IP6K2: variants seen among roughly 807,000 people sequenced by gnomAD.
IP6K2 encodes ATP:1D-myo-inositol-hexakisphosphate phosphotransferase.
IP6K2 carries 9 observed loss-of-function variants against 43.3 expected under a neutral mutation model. That is an observed-to-expected ratio of 0.21 (90% CI 0.13 to 0.36). IP6K2 has a LOEUF of 0.36. IP6K2 is among the 10% of genes least tolerant of loss of function. The probability of loss-of-function intolerance (pLI) is 1.00; values close to 1 mark genes in which losing one functional copy is unlikely to be tolerated. For synonymous variants in IP6K2, 209 were observed against 202.4 expected (o/e 1.03, Z -0.28); for missense variants, 332 against 538.4 (o/e 0.62, Z 3.79).
At chr3:48,692,507 A>T (rs2077889408) in intron 3 of IP6K2, among the ~76,000 whole-genome samples, 1 of 152,248 alleles carries the variant, frequency 6.6e-6, no homozygotes, top group South Asian at 2.1e-4. Flanking sequence ...CATTACATGT[A>T]CTTTACTTTA....
chr3:48,710,502 A>G (rs557839859), intron 1 of IP6K2, among the ~76,000 whole-genome samples: 1 of 152,208 alleles, frequency 6.6e-6, no homozygotes, highest in African/African-American at 2.4e-5. Context: ...AGCTTAAGTT[A>G]TTTTCCAAAG....
Position 48,688,854 on chromosome 3 carries a change from G to C in IP6K2, c.781-81C>G. On this transcript the variant is annotated intron_variant, in intron 5 of 5. Transcript: ENST00000328631. This position sits in a 1 kb window ranked among gnomAD's most constrained non-coding sequence, Gnocchi z 5.1. ...CCGGGCGGGGGTGGGGTGGTGTGGT[G>C]GTGGCGGCATGTGACAGCCCAGATC... 6.8e-7 allele frequency: 1 copy of C among 1,463,298 alleles called. No homozygotes were observed. Among genetic ancestry groups the C allele is most frequent in the Non-Finnish European group, 9.2e-7 (1 of 1,086,524 alleles). 90.6% of individuals were successfully genotyped at this position (1,463,298 alleles called of 1,614,324 possible). A position where few individuals can be genotyped will look rare whatever the true frequency, so the allele number is the denominator to read the frequency against.
intron 1 of IP6K2, among the ~76,000 whole-genome samples, chr3:48,700,278 C>T (rs1019531951): frequency 6.6e-6 from 1 of 151,712 alleles, no homozygotes; most frequent in African/African-American, 2.4e-5. Flanking sequence ...TCCCTAGGAG[C>T]CTCAACTACA....
intron 1 of IP6K2, among the ~76,000 whole-genome samples, chr3:48,710,412 T>C (rs898820800): frequency 6.6e-6 from 1 of 152,162 alleles, no homozygotes; most frequent in Admixed American, 6.6e-5. Context: ...AAAAATAAGA[T>C]TGCATTTCAG....
chr3:48,714,267 A>G (rs2080907644), intron 1 of IP6K2, among the ~76,000 whole-genome samples: 1 of 152,090 alleles, frequency 6.6e-6, no homozygotes, highest in Non-Finnish European at 1.5e-5. Flanking sequence ...GGGTTTCACC[A>G]TGTTGGCCAG....
In IP6K2 at chr3:48,692,965, C is replaced by T. The variant is rs956437771; in HGVS notation, c.417G>A (p.Glu139=). ...CTGTCTACACTCACCTCTTCATTTTCTCCTCTTTACGGTGCTGACGCACCC... is the reference window on the plus strand; with the variant it reads ...CTGTCTACACTCACCTCTTCATTTTTTCCTCTTTACGGTGCTGACGCACCC... ...KDWVRQHRKE[E]KMKSHKLEEE... Residue 139 remains glutamate, a synonymous_variant, in exon 3 of 6, where the codon GAG becomes GAA. Transcript: ENST00000328631. 2.5e-6 allele frequency: 4 copies of T among 1,611,950 alleles called. No individual in the cohort carries two copies. In the African/African-American group the frequency reaches 5.4e-5, roughly 22 times the overall value.
rs576495544 is a variant in IP6K2 at position 48,691,243 on chromosome 3, A to T, written c.604+64T>A. 3.6e-6 allele frequency: 5 copies of T among 1,370,598 alleles called. No homozygotes were observed. In the Admixed American group the frequency reaches 6.2e-5, roughly 17 times the overall value. The allele number at this position is 1,370,598 out of a possible 1,614,324, so 84.9% of individuals were successfully genotyped here. On this transcript the variant is annotated intron_variant, in intron 4 of 5. Transcript: ENST00000328631. ...ACCTAACTTCTCTCTCCAAGCTCCA[A>T]GGGACTTCCTCATTTCCTCTCCTCT...
chr3:48,695,059 T>C lies in IP6K2; in HGVS notation c.202+31A>G, dbSNP rs368729339. 7 of 1,614,006 alleles carry C rather than the reference T, an allele frequency of 4.3e-6. No individual in the cohort carries two copies. In the African/African-American group the frequency reaches 9.3e-5, roughly 22 times the overall value. Reference sequence around the variant, plus strand: ...ACGATCTCTCACATCTCCTCGCCAGTGTGGCAACCCCTCCAGCAGCTGGGA... The same window carrying C: ...ACGATCTCTCACATCTCCTCGCCAGCGTGGCAACCCCTCCAGCAGCTGGGA... On this transcript the variant is annotated intron_variant, in intron 2 of 5. Coordinates refer to ENST00000328631, the MANE Select transcript of IP6K2 (RefSeq NM_016291.4). This position sits in a 1 kb window ranked among gnomAD's most constrained non-coding sequence, Gnocchi z 4.6.
At chr3:48,693,989 A>T in intron 2 of IP6K2, 1 of 1,377,500 alleles carries the variant, frequency 7.3e-7, no homozygotes, top group Non-Finnish European at 9.4e-7. Flanking sequence ...CGAGCGCCTT[A>T]CAAACGACTG....
intron 1 of IP6K2, among the ~76,000 whole-genome samples, chr3:48,698,742 G>C (rs2078692397): frequency 6.6e-6 from 1 of 151,960 alleles, no homozygotes; most frequent in Non-Finnish European, 1.5e-5. Flanking sequence ...CAAAGTGCTG[G>C]GATTATGGGC....
chr3:48,688,181 C>G lies in IP6K2; in HGVS notation c.*92G>C. On this transcript the variant is annotated 3_prime_UTR_variant, in exon 6 of 6. Coordinates refer to ENST00000328631, the MANE Select transcript of IP6K2 (RefSeq NM_016291.4). This position sits in a 1 kb window ranked among gnomAD's most constrained non-coding sequence, Gnocchi z 5.1. ...GCACATCAGCTCCAGGCTGCAGGAG[C>G]CACCACCTGGCCATACTGGCTTCCT... 1 of 1,449,436 alleles carries G rather than the reference C, an allele frequency of 6.9e-7. No homozygotes were observed. The highest frequency in any genetic ancestry group is 9.5e-7 in the Non-Finnish European group (1 of 1,051,612). The allele number at this position is 1,449,436 out of a possible 1,614,324, so 89.8% of individuals were successfully genotyped here.
chr3:48,711,925 C>T (rs9882549), intron 1 of IP6K2, among the ~76,000 whole-genome samples: 22,462 of 152,046 alleles, frequency 0.15, 1,973 homozygotes, highest in African/African-American at 0.25. Flanking sequence ...TAAAAGCACG[C>T]AAACTGAACT....
chr3:48,714,469 T>G (rs1301736582), intron 1 of IP6K2, among the ~76,000 whole-genome samples: 2 of 151,952 alleles, frequency 1.3e-5, no homozygotes, highest in African/African-American at 4.8e-5. Flanking sequence ...TTTGGCTCAC[T>G]GCAATCTCCA....
chr3:48,694,452 T>G (rs777812306), intron 2 of IP6K2: 3 of 1,549,306 alleles, frequency 1.9e-6, no homozygotes, highest in South Asian at 1.2e-5. Context: ...CTTTAATGGA[T>G]TCTTACTTGA....
At chr3:48,701,840 G>C (rs1165852860) in intron 1 of IP6K2, among the ~76,000 whole-genome samples, 1 of 152,164 alleles carries the variant, frequency 6.6e-6, no homozygotes, top group African/African-American at 2.4e-5. Flanking sequence ...GGAGGTTGCA[G>C]TGAGCTGAGA....
intron 1 of IP6K2, among the ~76,000 whole-genome samples, chr3:48,709,518 G>A (rs2080230728): frequency 1.3e-5 from 2 of 152,180 alleles, no homozygotes; most frequent in East Asian, 1.9e-4. Context: ...AAAAAAATGA[G>A]ATACGATTCT....
At position 48,695,727 on chromosome 3, in the gene IP6K2, A is replaced by T. The variant is rs555728750; in HGVS notation, c.-130-306T>A. On this transcript the variant is annotated intron_variant, in intron 1 of 5. Coordinates refer to ENST00000328631, the MANE Select transcript of IP6K2 (RefSeq NM_016291.4). This position sits in a 1 kb window ranked among gnomAD's most constrained non-coding sequence, Gnocchi z 4.6. ...CAAAACTGATGCCATGGTGAGGTGA[A>T]ATCACAATTTCAAGCCTAATATTTG... 1.1e-5 allele frequency: 3 copies of T among 282,676 alleles called. No homozygotes were observed. In the South Asian group the frequency reaches 5.0e-4, roughly 47 times the overall value. 17.5% of individuals were successfully genotyped at this position (282,676 alleles called of 1,614,324 possible).
At position 48,695,300 on chromosome 3, in the gene IP6K2, C is replaced by G. The variant is rs200143726; in HGVS notation, c.-9G>C. The G allele has an allele frequency of 1.3e-6, 2 of 1,598,524 alleles. No individual in the cohort carries two copies. Among genetic ancestry groups the G allele is most frequent in the East Asian group, 2.2e-5 (1 of 44,574 alleles). On this transcript the variant is annotated 5_prime_UTR_variant, in exon 2 of 6. Transcript: ENST00000328631. This position sits in a 1 kb window ranked among gnomAD's most constrained non-coding sequence, Gnocchi z 4.6. ...CTGAAGGCTGGGCTCATCCTCCGGG[C>G]GCAGATGGCGGGGAGATGGGGGAGG...
At chr3:48,690,579 C>G (rs1204104985) in intron 4 of IP6K2, among the ~76,000 whole-genome samples, 2 of 152,026 alleles carry the variant, frequency 1.3e-5, no homozygotes, top group Non-Finnish European at 2.9e-5. Context: ...CACCTGAGGT[C>G]AGGAGTTTGG....
Sources: allele counts gnomAD v4.1 joint callset (sites outside exome capture counted in the v4.1 genomes callset), GRCh38; gene constraint gnomAD v4.1.1; non-coding constraint Gnocchi (gnomAD v3.1); transcripts MANE v1.5; gene names NCBI Gene and HGNC (gene_info 2026-07-23, HGNC 2026-07-21).